Variants in SGCZ observed in about 807,000 individuals in gnomAD.
SGCZ encodes the protein sarcoglycan zeta.
Under a neutral mutation model 41.3 loss-of-function variants are expected in SGCZ, and 40 were observed. The observed-to-expected ratio is 0.97, with a 90% CI of 0.75 to 1.26. The LOEUF (loss-of-function observed/expected upper bound fraction) is 1.26. Ranked by LOEUF, SGCZ falls within the 50% of genes most tolerant of loss-of-function variation. The pLI is 0.00. For synonymous variants in SGCZ, 206 were observed against 137.5 expected (o/e 1.50, Z -3.49); for missense variants, 552 against 369.8 (o/e 1.49, Z -4.04).
Position 14,089,795 on chromosome 8 carries a change from T to G in SGCZ, c.*648A>C, listed in dbSNP as rs1415611144. ...GCTGAGTGCTTTCAAAATTACCTGA[T>G]GTACAAAATTCTAGACTTAGTAGAC... On this transcript the variant is annotated 3_prime_UTR_variant, in exon 8 of 8. Transcript: ENST00000382080. 6.6e-6 allele frequency: 1 copy of G among 152,160 alleles called. No homozygotes were observed. The highest frequency in any genetic ancestry group is 2.4e-5 in the African/African-American group (1 of 41,430). The allele number at this position is 152,160 out of a possible 1,614,324, so 9.4% of individuals were successfully genotyped here.
chr8:15,130,974 A>G (rs1807875604), intron 1 of SGCZ, among the ~76,000 whole-genome samples: 1 of 152,200 alleles, frequency 6.6e-6, no homozygotes, highest in Non-Finnish European at 1.5e-5. Flanking sequence ...GCTTACAAAA[A>G]TGAATGAACT....
At chr8:14,826,457 G>A (rs1217538915) in intron 1 of SGCZ, among the ~76,000 whole-genome samples, 5 of 152,072 alleles carry the variant, frequency 3.3e-5, no homozygotes, top group Admixed American at 6.5e-5. Context: ...CCAGTAATGG[G>A]ATGGCTGGGT....
At chr8:14,641,366 TA>T (rs1389667503) in intron 1 of SGCZ, among the ~76,000 whole-genome samples, 3 of 151,756 alleles carry the variant, frequency 2.0e-5, no homozygotes, top group Admixed American at 6.6e-5. Context: ...GTTTATGTTT[TA>T]AAGTATTTTA....
At chr8:14,263,365 A>C (rs1239220599) in intron 3 of SGCZ, among the ~76,000 whole-genome samples, 1 of 152,098 alleles carries the variant, frequency 6.6e-6, no homozygotes, top group Admixed American at 6.5e-5. Flanking sequence ...CCTGGCCAAC[A>C]TGATGAAACC....
At chr8:14,886,118 C>A (rs1218144711) in intron 1 of SGCZ, among the ~76,000 whole-genome samples, 2 of 149,020 alleles carry the variant, frequency 1.3e-5, no homozygotes, top group African/African-American at 2.5e-5. Context: ...AATATTCTAT[C>A]CCATGCATGC....
intron 1 of SGCZ, among the ~76,000 whole-genome samples, chr8:14,559,415 T>C (rs1804139810): frequency 6.6e-6 from 1 of 152,080 alleles, no homozygotes; most frequent in Non-Finnish European, 1.5e-5. Flanking sequence ...CTTAGAAATA[T>C]ACCTAACCAA....
intron 1 of SGCZ, among the ~76,000 whole-genome samples, chr8:14,687,908 C>G (rs181837909): frequency 6.6e-6 from 1 of 152,304 alleles, no homozygotes; most frequent in East Asian, 1.9e-4. Flanking sequence ...GAGATGGTAT[C>G]TCATTGTGGT....
chr8:15,158,166 C>CA (rs34637082), intron 1 of SGCZ, among the ~76,000 whole-genome samples: 3,952 of 147,054 alleles, frequency 0.027, 133 homozygotes, highest in African/African-American at 0.088. Flanking sequence ...TAGTTTGCCA[C>CA]AAAAAAAAAA....
At chr8:14,463,449 A>C (rs2116958442) in intron 2 of SGCZ, among the ~76,000 whole-genome samples, 1 of 151,214 alleles carries the variant, frequency 6.6e-6, no homozygotes, top group South Asian at 2.1e-4. Context: ...CAAAAGAATG[A>C]AGTTGAACCC....
At chr8:14,322,559 G>A (rs1325755231) in intron 3 of SGCZ, among the ~76,000 whole-genome samples, 3 of 152,042 alleles carry the variant, frequency 2.0e-5, no homozygotes, top group Non-Finnish European at 2.9e-5. Flanking sequence ...TGGCTGAGAA[G>A]ATAAATTCTA....
At chr8:14,824,777 A>G (rs956318877) in intron 1 of SGCZ, among the ~76,000 whole-genome samples, 17 of 152,098 alleles carry the variant, frequency 1.1e-4, no homozygotes, top group African/African-American at 3.9e-4. Context: ...TCTTCTACAT[A>G]AACGCTTAAA....
At chr8:14,892,992 G>A (rs1157590485) in intron 1 of SGCZ, among the ~76,000 whole-genome samples, 1 of 152,168 alleles carries the variant, frequency 6.6e-6, no homozygotes, top group East Asian at 1.9e-4. Flanking sequence ...CAGAGCATAT[G>A]GTAGGCAGAA....
At chr8:14,915,151 T>A (rs1799394438) in intron 1 of SGCZ, among the ~76,000 whole-genome samples, 1 of 152,210 alleles carries the variant, frequency 6.6e-6, no homozygotes, top group African/African-American at 2.4e-5. Flanking sequence ...CTTCCCGTTT[T>A]AAATATATAT....
At chr8:14,736,951 A>C (rs1799054326) in intron 1 of SGCZ, among the ~76,000 whole-genome samples, 1 of 151,734 alleles carries the variant, frequency 6.6e-6, no homozygotes, top group African/African-American at 2.4e-5. Flanking sequence ...ACAATTCACA[A>C]TTGCAAAATT....
chr8:14,982,508 C>A (rs991076981), intron 1 of SGCZ, among the ~76,000 whole-genome samples: 2 of 152,164 alleles, frequency 1.3e-5, no homozygotes, highest in African/African-American at 4.8e-5. Flanking sequence ...ACAGTGTAAA[C>A]AGCTTTGACT....
intron 2 of SGCZ, among the ~76,000 whole-genome samples, chr8:14,452,335 G>A (rs1800618658): frequency 1.3e-5 from 2 of 152,024 alleles, no homozygotes; most frequent in South Asian, 4.1e-4. Flanking sequence ...GGGCACAGTG[G>A]ATTTCCAGGA....
chr8:14,913,268 G>T (rs959296089), intron 1 of SGCZ, among the ~76,000 whole-genome samples: 14 of 152,090 alleles, frequency 9.2e-5, no homozygotes, highest in African/African-American at 3.4e-4. Flanking sequence ...TATAATAAAT[G>T]CAGATAATGT....
chr8:14,404,325 G>C (rs1799155102), intron 2 of SGCZ, among the ~76,000 whole-genome samples: 1 of 152,054 alleles, frequency 6.6e-6, no homozygotes. Context: ...TAAATGCCAT[G>C]AATGTCCATT....
intron 2 of SGCZ, among the ~76,000 whole-genome samples, chr8:14,529,917 A>G (rs1803073738): frequency 6.6e-6 from 1 of 152,122 alleles, no homozygotes; most frequent in African/African-American, 2.4e-5. Context: ...AATTGGATCC[A>G]TTTGAGTTTA....
Sources: gnomAD v4.1 joint callset for allele counts (sites outside exome capture counted in the v4.1 genomes callset) on GRCh38, gnomAD v4.1.1 for gene constraint, MANE v1.5 for transcripts, NCBI Gene and HGNC (gene_info 2026-07-23, HGNC 2026-07-21) for gene names.